KCNN3: variants seen among roughly 807,000 people sequenced by gnomAD.
KCNN3 encodes small conductance calcium-activated potassium channel protein 3.
In KCNN3, 16 loss-of-function variants were observed where a neutral mutation model predicts 62.9. The ratio of observed to expected loss-of-function variants is 0.25; its 90% CI spans 0.17 to 0.39. The LOEUF is 0.39. Ranked by LOEUF, KCNN3 falls within the 10% of genes least tolerant of loss-of-function variation. The pLI is 1.00. For synonymous variants in KCNN3, 370 were observed against 389.2 expected (o/e 0.95, Z 0.58); for missense variants, 599 against 949.4 (o/e 0.63, Z 4.85).
In KCNN3 at chr1:154,869,723, G is replaced by GGCGGCTGCTGCTGCTGCTGCTGCTGCT. The variant is rs1553242197; in HGVS notation, c.241_242insAGCAGCAGCAGCAGCAGCAGCAGCCGC (p.Gln80_Pro81insGlnGlnGlnGlnGlnGlnGlnGlnPro). ...GGCGAGCTGAGACAGGGGATGCGGTGGCTGCTGCTGCTGCTGCTGCTGCTG... is the reference window on the plus strand; with the variant it reads ...GGCGAGCTGAGACAGGGGATGCGGTGGCGGCTGCTGCTGCTGCTGCTGCTGCTGCTGCTGCTGCTGCTGCTGCTGCTG... On this transcript the variant is annotated inframe_insertion, in exon 1 of 8. Coordinates refer to ENST00000271915, the MANE Select transcript of KCNN3 (RefSeq NM_002249.6). This position sits in a 1 kb window ranked among gnomAD's most constrained non-coding sequence, Gnocchi z 6.1. 1 of 1,326,132 alleles carries GGCGGCTGCTGCTGCTGCTGCTGCTGCT rather than the reference G, an allele frequency of 7.5e-7. No individual in the cohort carries two copies. The highest frequency in any genetic ancestry group is 1.5e-5 in the African/African-American group (1 of 65,472). The allele number at this position is 1,326,132 out of a possible 1,614,324, so 82.1% of individuals were successfully genotyped here. A position where few individuals can be genotyped will look rare whatever the true frequency, so the allele number is the denominator to read the frequency against.
At chr1:154,765,653 G>A (rs1201591538) in intron 3 of KCNN3, among the ~76,000 whole-genome samples, 1 of 142,380 alleles carries the variant, frequency 7.0e-6, no homozygotes, top group Admixed American at 7.2e-5. Context: ...TTTTGAGACA[G>A]GGTCTCACTC....
chr1:154,721,973 C>A (rs924287174), intron 5 of KCNN3, among the ~76,000 whole-genome samples: 1 of 151,646 alleles, frequency 6.6e-6, no homozygotes, highest in African/African-American at 2.4e-5. Context: ...GACGTTGCCA[C>A]CAGAGTTGAT....
At chr1:154,719,634 A>G (rs1158095709) in intron 5 of KCNN3, among the ~76,000 whole-genome samples, 1 of 152,186 alleles carries the variant, frequency 6.6e-6, no homozygotes, top group Non-Finnish European at 1.5e-5. Context: ...TGATCAGATC[A>G]CTATCGGAGA....
intron 2 of KCNN3, among the ~76,000 whole-genome samples, chr1:154,787,179 A>G (rs554248333): frequency 1.3e-5 from 2 of 152,340 alleles, no homozygotes; most frequent in East Asian, 1.9e-4. Context: ...GTGAATTCCT[A>G]TCGTAGGCAC....
intron 3 of KCNN3, among the ~76,000 whole-genome samples, chr1:154,757,390 G>T (rs1647773720): frequency 6.6e-6 from 1 of 152,176 alleles, no homozygotes; most frequent in Admixed American, 6.5e-5. Context: ...CTGAGCTGTG[G>T]CTCTTATCTG....
rs141624488 is a variant in KCNN3 at position 154,865,225 on chromosome 1, C to T, written c.933+3807G>A. On this transcript the variant is annotated intron_variant, in intron 1 of 7. Coordinates refer to ENST00000271915, the MANE Select transcript of KCNN3 (RefSeq NM_002249.6). ...AAATAAAGAACACTAAGAAGGACTC[C>T]CCAGGTCCTTGCTGGTCTACCCAGG... Among the ~76,000 whole-genome samples the T allele has an allele frequency of 7.7e-4, 117 of 152,248 alleles. 1 individual carries two copies. In the East Asian group the frequency reaches 0.022, roughly 29 times the overall value.
intron 2 of KCNN3, among the ~76,000 whole-genome samples, chr1:154,804,203 T>A (rs1267131885): frequency 6.6e-6 from 1 of 152,216 alleles, no homozygotes; most frequent in Non-Finnish European, 1.5e-5. Context: ...CAGCAGGAAC[T>A]GGGATGCCAC....
At chr1:154,817,762 A>G (rs1008860831) in intron 2 of KCNN3, among the ~76,000 whole-genome samples, 6 of 152,152 alleles carry the variant, frequency 3.9e-5, no homozygotes, top group Non-Finnish European at 7.4e-5. Flanking sequence ...CCCCTGGGAG[A>G]AGCAATGGTG....
rs537899791 is a variant in KCNN3, at chr1:154,707,841, T to C, written c.*135A>G. On this transcript the variant is annotated 3_prime_UTR_variant, in exon 8 of 8. Coordinates refer to ENST00000271915, the MANE Select transcript of KCNN3 (RefSeq NM_002249.6). ...TCGGACCAAGCACGCTGAATGAACA[T>C]GAGTTAGTTAATTAGCTCGGTCTCT... is the stretch of plus-strand genomic sequence containing the variant. The C allele has an allele frequency of 6.9e-5, 68 of 988,304 alleles. 1 individual carries two copies. The highest frequency in any genetic ancestry group is 6.6e-4 in the African/African-American group (41 of 61,666). 61.2% of individuals were successfully genotyped at this position (988,304 alleles called of 1,614,324 possible).
At chr1:154,715,089 A>C (rs370717838) in intron 5 of KCNN3, 86 bp from the exon 6 acceptor site, 22 of 1,504,782 alleles carry the variant, frequency 1.5e-5, no homozygotes, top group Non-Finnish European at 1.7e-5. Context: ...CTACCTCATA[A>C]GGAAACGATT....
intron 7 of KCNN3, among the ~76,000 whole-genome samples, chr1:154,712,546 G>A (rs565343330): frequency 9.9e-5 from 15 of 152,186 alleles, no homozygotes; most frequent in Admixed American, 9.8e-4. Context: ...TTCTCTGATT[G>A]CACTCTTTTC....
At chr1:154,842,116 G>A (rs967491610) in intron 1 of KCNN3, among the ~76,000 whole-genome samples, 1 of 152,206 alleles carries the variant, frequency 6.6e-6, no homozygotes, top group African/African-American at 2.4e-5. Flanking sequence ...CTTGCTGCCT[G>A]TGTGACTTGC....
At position 154,702,688 on chromosome 1, in the gene KCNN3, C is replaced by T. The variant is rs1441663955; in HGVS notation, c.*5288G>A. 1 of 121,208 alleles carries T rather than the reference C, an allele frequency of 8.3e-6. No individual in the cohort carries two copies. Among genetic ancestry groups the T allele is most frequent in the Non-Finnish European group, 1.6e-5 (1 of 60,704 alleles). The allele number at this position is 121,208 out of a possible 1,614,324, so 7.5% of individuals were successfully genotyped here. On this transcript the variant is annotated 3_prime_UTR_variant, in exon 8 of 8. Transcript: ENST00000271915. ...GAGTGAAGCTGGACGTTGGCTGCTT[C>T]GATCTGATTCAGATATATATATATA...
At chr1:154,807,762 C>T (rs1019995535) in intron 2 of KCNN3, among the ~76,000 whole-genome samples, 1 of 152,192 alleles carries the variant, frequency 6.6e-6, no homozygotes. Flanking sequence ...AAGACAAACT[C>T]GGGCTGCCCT....
intron 2 of KCNN3, among the ~76,000 whole-genome samples, chr1:154,794,787 C>A (rs919450942): frequency 6.6e-6 from 1 of 152,042 alleles, no homozygotes; most frequent in African/African-American, 2.4e-5. Flanking sequence ...GACTTTGAGC[C>A]CATCTAGAAA....
chr1:154,794,890 A>G (rs1263303632), intron 2 of KCNN3, among the ~76,000 whole-genome samples: 1 of 152,180 alleles, frequency 6.6e-6, no homozygotes, highest in Non-Finnish European at 1.5e-5. Context: ...TACTCTGAGG[A>G]GGCAGGGAGC....
At position 154,772,203 on chromosome 1, in the gene KCNN3, A is replaced by G; in HGVS notation, c.1220T>C (p.Leu407Pro). ...SRAEADVDII[L>P]SIPMFLRLYL... ...CAGGCGCAGGAACATGGGGATAGAC[A>G]GGATGATGTCCACATCGGCCTCCGC... The change falls in exon 3 of 8, where the codon CTG (leucine) becomes CCG (proline). Residue 407 changes from leucine (L) to proline (P), a missense_variant. By Grantham distance (98) the Leu-to-Pro change is moderately conservative. Transcript: ENST00000271915. This position sits in a 1 kb window ranked among gnomAD's most constrained non-coding sequence, Gnocchi z 5.6. The G allele has an allele frequency of 2.5e-6, 4 of 1,614,224 alleles. No individual in the cohort carries two copies. The highest frequency in any genetic ancestry group is 3.4e-6 in the Non-Finnish European group (4 of 1,180,028).
In KCNN3 at chr1:154,804,334, C is replaced by T. The variant is rs369593250; in HGVS notation, c.1029+17755G>A. Among the ~76,000 whole-genome samples, 9 of 152,224 alleles carry T rather than the reference C, an allele frequency of 5.9e-5. No homozygotes were observed. In the South Asian group the frequency reaches 6.2e-4, roughly 11 times the overall value. On this transcript the variant is annotated intron_variant, in intron 2 of 7. Coordinates refer to ENST00000271915, the MANE Select transcript of KCNN3 (RefSeq NM_002249.6). ...GTTACAGCCCACAGCTTCGCAAATGCGGATGGATGGCAGGACAAAACGCAC... is the reference window on the plus strand; with the variant it reads ...GTTACAGCCCACAGCTTCGCAAATGTGGATGGATGGCAGGACAAAACGCAC...
intron 2 of KCNN3, among the ~76,000 whole-genome samples, chr1:154,815,819 C>T (rs948019984): frequency 3.3e-5 from 5 of 152,150 alleles, no homozygotes; most frequent in African/African-American, 1.2e-4. Flanking sequence ...AGGGTGAGGG[C>T]ACAGAGCAAG....
Sources: gnomAD v4.1 joint callset for allele counts (sites outside exome capture counted in the v4.1 genomes callset) on GRCh38, gnomAD v4.1.1 for gene constraint, Gnocchi (gnomAD v3.1) non-coding constraint, MANE v1.5 for transcripts, NCBI Gene and HGNC (gene_info 2026-07-23, HGNC 2026-07-21) for gene names.